FILIP1: variants seen among roughly 807,000 people sequenced by gnomAD.
FILIP1 encodes filamin-A-interacting protein 1.
FILIP1 carries 61 observed loss-of-function variants against 102.1 expected under a neutral mutation model. The observed-to-expected ratio is 0.60, with a 90% CI of 0.49 to 0.74. The LOEUF (loss-of-function observed/expected upper bound fraction) is 0.74. FILIP1 is among the 30% of genes least tolerant of loss of function. The pLI, the probability that FILIP1 is intolerant of heterozygous loss-of-function variation, is 0.00. For synonymous variants in FILIP1, 491 were observed against 526.9 expected, an observed-to-expected ratio of 0.93 and a Z score of 0.93; for missense variants, 1,314 against 1,441.2, an observed-to-expected ratio of 0.91 and a Z score of 1.43.
At chr6:75,315,769 A>G (rs1046788135) in intron 4 of FILIP1, among the ~76,000 whole-genome samples, 1 of 152,242 alleles carries the variant, frequency 6.6e-6, no homozygotes, top group Non-Finnish European at 1.5e-5. Context: ...CTTAGCCAGG[A>G]AGCCTTCAAA....
chr6:75,473,934 G>A (rs1189769445), intron 1 of FILIP1: 1 of 152,036 alleles, frequency 6.6e-6, no homozygotes, highest in East Asian at 1.9e-4. Context: ...ATACAATTTT[G>A]GCACTATGAC....
chr6:75,465,632 C>A, intron 1 of FILIP1: 1 of 346,626 alleles, frequency 2.9e-6, no homozygotes, highest in Non-Finnish European at 5.2e-6. Context: ...TCATTTTCCA[C>A]AGTAGTATAT....
rs1779323000 is a variant in FILIP1 at position 75,471,340 on chromosome 6, A to G, written c.-7+22074T>C. 2.0e-5 allele frequency among the ~76,000 whole-genome samples: 3 copies of G among 152,054 alleles called. No homozygotes were observed. In the South Asian group the frequency reaches 6.2e-4, roughly 31 times the overall value. On this transcript the variant is annotated intron_variant, in intron 1 of 5. Coordinates refer to ENST00000237172, the MANE Select transcript of FILIP1 (RefSeq NM_015687.5). ...ATAAATCATTTAAAGAAAGAAAAGA[A>G]TCATCTATTTGAAAAATAGACCAAT... is the stretch of plus-strand genomic sequence containing the variant.
At chr6:75,392,639 C>A (rs1249630505) in intron 2 of FILIP1, among the ~76,000 whole-genome samples, 2 of 152,072 alleles carry the variant, frequency 1.3e-5, no homozygotes, top group Non-Finnish European at 2.9e-5. Context: ...TTAGCACTTT[C>A]CCCCCACCAG....
At chr6:75,332,760 G>T (rs2149580051) in intron 4 of FILIP1, among the ~76,000 whole-genome samples, 1 of 152,286 alleles carries the variant, frequency 6.6e-6, no homozygotes, top group East Asian at 1.9e-4. Flanking sequence ...CTCCCACAGT[G>T]TGAGGAGCCT....
intron 1 of FILIP1, among the ~76,000 whole-genome samples, chr6:75,488,301 G>C (rs1270591072): frequency 2.0e-5 from 3 of 152,036 alleles, no homozygotes. Flanking sequence ...ATTCATGTAT[G>C]ACTTTCCTTA....
intron 1 of FILIP1, among the ~76,000 whole-genome samples, chr6:75,453,229 C>T (rs892284128): frequency 3.3e-5 from 5 of 152,184 alleles, no homozygotes; most frequent in African/African-American, 1.2e-4. Flanking sequence ...CCTATCTTCT[C>T]CATGAAATGT....
At chr6:75,435,241 C>T (rs749495300) in intron 1 of FILIP1, among the ~76,000 whole-genome samples, 13 of 151,894 alleles carry the variant, frequency 8.6e-5, no homozygotes, top group Admixed American at 1.3e-4. Context: ...TTTAAAAAAT[C>T]GAAAAAGTAC....
intron 6 of FILIP1, among the ~76,000 whole-genome samples, chr6:75,301,630 G>A (rs1460015018): frequency 6.6e-6 from 1 of 152,184 alleles, no homozygotes; most frequent in Admixed American, 6.5e-5. Context: ...CTTAGGAAAA[G>A]CATTGTAGCA....
At chr6:75,299,754 A>G (rs1304577100) in intron 6 of FILIP1, among the ~76,000 whole-genome samples, 1 of 152,182 alleles carries the variant, frequency 6.6e-6, no homozygotes, top group South Asian at 2.1e-4. Context: ...GTCTTTTAGT[A>G]CACTAGCTAT....
intron 3 of FILIP1, among the ~76,000 whole-genome samples, chr6:75,362,178 G>A (rs1488867857): frequency 1.3e-5 from 2 of 152,136 alleles, no homozygotes; most frequent in Non-Finnish European, 2.9e-5. Context: ...TTAAAATGTG[G>A]TATTATGAGT....
At position 75,314,015 on chromosome 6, in the gene FILIP1, A is replaced by G. The variant is rs761307718; in HGVS notation, c.1817T>C (p.Val606Ala). Residue 606 changes from valine (V) to alanine (A), a missense_variant, in exon 5 of 6, where the codon GTG becomes GCG. Physicochemically the swap from Val to Ala is moderately conservative, Grantham distance 64 (BLOSUM62 0). Coordinates refer to ENST00000237172, the MANE Select transcript of FILIP1 (RefSeq NM_015687.5). ...LKKRLDGIEEVEREITRGRSR... is the reference protein window; with the variant it reads ...LKKRLDGIEEAEREITRGRSR... ...CCTTCCTCTTGTTATTTCTCTTTCC[A>G]CTTCCTCTATACCATCAAGTCTCTT... 1 of 1,549,928 alleles carries G rather than the reference A, an allele frequency of 6.5e-7. No homozygotes were observed. Among genetic ancestry groups the G allele is most frequent in the African/African-American group, 1.4e-5 (1 of 72,144 alleles).
chr6:75,435,177 G>C (rs1777972688), intron 1 of FILIP1, among the ~76,000 whole-genome samples: 1 of 152,086 alleles, frequency 6.6e-6, no homozygotes, highest in African/African-American at 2.4e-5. Context: ...CCAGGCTTTG[G>C]TATCACGATA....
intron 2 of FILIP1, among the ~76,000 whole-genome samples, chr6:75,369,920 G>T (rs908728453): frequency 6.6e-6 from 1 of 152,222 alleles, no homozygotes; most frequent in Non-Finnish European, 1.5e-5. Context: ...TCACTTGGCT[G>T]AGAGGAAGCA....
intron 2 of FILIP1, among the ~76,000 whole-genome samples, chr6:75,404,340 G>T (rs1582454514): frequency 6.6e-6 from 1 of 152,166 alleles, no homozygotes; most frequent in South Asian, 2.1e-4. Flanking sequence ...TCCTGCCATT[G>T]GCCTGCCCAC....
chr6:75,461,376 T>C (rs906127682), intron 1 of FILIP1, among the ~76,000 whole-genome samples: 1 of 152,198 alleles, frequency 6.6e-6, no homozygotes, highest in Non-Finnish European at 1.5e-5. Flanking sequence ...CATGACACCA[T>C]AGAAGAAAAT....
At chr6:75,373,774 T>G (rs1775655996) in intron 2 of FILIP1, among the ~76,000 whole-genome samples, 1 of 152,172 alleles carries the variant, frequency 6.6e-6, no homozygotes, top group Non-Finnish European at 1.5e-5. Flanking sequence ...TGTAGGAAGC[T>G]GAGGCTGGTG....
At chr6:75,461,796 A>G (rs188591085) in intron 1 of FILIP1, among the ~76,000 whole-genome samples, 4 of 152,336 alleles carry the variant, frequency 2.6e-5, no homozygotes, top group Admixed American at 6.5e-5. Context: ...AAGAATTCTT[A>G]TTAAGCACCG....
intron 4 of FILIP1, among the ~76,000 whole-genome samples, chr6:75,344,928 A>G (rs1774527034): frequency 6.6e-6 from 1 of 152,200 alleles, no homozygotes; most frequent in African/African-American, 2.4e-5. Context: ...CTAAAACATG[A>G]AAAATTTTAA....
Sources: allele counts gnomAD v4.1 joint callset (sites outside exome capture counted in the v4.1 genomes callset), GRCh38; gene constraint gnomAD v4.1.1; transcripts MANE v1.5; gene names NCBI Gene and HGNC (gene_info 2026-07-23, HGNC 2026-07-21).